SEMA6D: variants seen among roughly 807,000 people sequenced by gnomAD.
The protein encoded by SEMA6D is semaphorin-6D.
In SEMA6D, 35 loss-of-function variants were observed where a neutral mutation model predicts 106.6. The observed-to-expected ratio is 0.33, with a 90% CI of 0.25 to 0.44. The LOEUF (loss-of-function observed/expected upper bound fraction) is 0.44, where lower values mean the gene tolerates loss of function less well. Ranked by LOEUF, SEMA6D falls within the 20% of genes least tolerant of loss-of-function variation. The probability of loss-of-function intolerance (pLI) is 1.00; values close to 1 mark genes in which losing one functional copy is unlikely to be tolerated. For synonymous variants in SEMA6D, 499 were observed against 487.7 expected, an observed-to-expected ratio of 1.02 and a Z score of -0.31; for missense variants, 1,185 against 1,345.9, an observed-to-expected ratio of 0.88 and a Z score of 1.87.
At position 47,761,163 on chromosome 15, in the gene SEMA6D, G is replaced by A. The variant is rs764692263; in HGVS notation, c.288G>A (p.Leu96=). The part of the protein sequence containing the change: ...PKTEVIPNKK[L]TWRSRQQDRE... The stretch of plus-strand genomic sequence containing the variant: ...GTTTTGCTTGATTAATACAGAAACT[G>A]ACATGGCGATCAAGACAACAGGATC... The change falls in exon 5 of 19, where the codon CTG becomes CTA. Residue 96 remains leucine, a synonymous_variant. Coordinates refer to ENST00000536845, the MANE Select transcript of SEMA6D (RefSeq NM_001358351.3). 6.2e-7 allele frequency: 1 copy of A among 1,613,756 alleles called. No individual in the cohort carries two copies. The highest frequency in any genetic ancestry group is 1.1e-5 in the South Asian group (1 of 91,064).
intron 1 of SEMA6D, among the ~76,000 whole-genome samples, chr15:47,279,684 A>T (rs1269072263): frequency 2.0e-5 from 3 of 152,108 alleles, no homozygotes; most frequent in Non-Finnish European, 4.4e-5. Context: ...AGCTCTTATT[A>T]TTTTGAGAGA....
At chr15:47,535,076 A>G (rs2045111396) in intron 3 of SEMA6D, among the ~76,000 whole-genome samples, 1 of 151,690 alleles carries the variant, frequency 6.6e-6, no homozygotes, top group Non-Finnish European at 1.5e-5. Flanking sequence ...TGACAAAAAA[A>G]AAAAAAACAC....
At chr15:47,717,832 C>CTGTGTGTGTGTGTG (rs71118194) in intron 1 of SEMA6D, 140 bp downstream of exon 1, 1 of 99,226 alleles carries the variant, frequency 1.0e-5, no homozygotes, top group African/African-American at 4.9e-5. Flanking sequence ...TCCCGAATCG[C>CTGTGTGTGTGTGTG]TGTGTGTGTG....
intron 2 of SEMA6D, among the ~76,000 whole-genome samples, chr15:47,425,087 G>A (rs2041287315): frequency 6.6e-6 from 1 of 152,064 alleles, no homozygotes; most frequent in Admixed American, 6.6e-5. Context: ...TGCAGATAAA[G>A]TTTTCCAGGC....
intron 2 of SEMA6D, among the ~76,000 whole-genome samples, chr15:47,429,768 T>A (rs571105378): frequency 2.6e-4 from 39 of 152,286 alleles, no homozygotes; most frequent in Non-Finnish European, 3.8e-4. Flanking sequence ...ATATATTTTT[T>A]AAAAAATGTC....
chr15:47,350,363 A>G (rs745743003), intron 1 of SEMA6D, among the ~76,000 whole-genome samples: 8 of 152,216 alleles, frequency 5.3e-5, no homozygotes, highest in Non-Finnish European at 1.0e-4. Flanking sequence ...TCAAACAGTA[A>G]CTTGAACATG....
chr15:47,745,539 A>G (rs563101212), intron 1 of SEMA6D, among the ~76,000 whole-genome samples: 7 of 152,360 alleles, frequency 4.6e-5, no homozygotes, highest in South Asian at 2.1e-4. Context: ...TCTTGCATCA[A>G]TTTAGTGAAA....
Position 47,613,049 on chromosome 15 carries a change from T to C in SEMA6D, c.-55+12153T>C, listed in dbSNP as rs2143928163. ...ACCATTAGACTTTATTTTTCCATTA[T>C]TTTTGAGATAAAGAATACATCTGAT... On this transcript the variant is annotated intron_variant, in intron 4 of 19. Transcript: ENST00000558014. Among the ~76,000 whole-genome samples the C allele has an allele frequency of 1.3e-5, 2 of 152,364 alleles. 1 individual carries two copies. Among genetic ancestry groups the C allele is most frequent in the Middle Eastern group, 6.8e-3 (2 of 294 alleles).
intron 4 of SEMA6D, among the ~76,000 whole-genome samples, chr15:47,616,927 C>T (rs1210959970): frequency 6.6e-6 from 1 of 152,212 alleles, no homozygotes; most frequent in Admixed American, 6.5e-5. Context: ...GCAGCTTCAA[C>T]TGAACTGCTA....
rs145038450 is a variant in SEMA6D at position 47,567,804 on chromosome 15, T to C, written c.-86-33061T>C. On this transcript the variant is annotated intron_variant, in intron 3 of 19. Transcript: ENST00000558014. The stretch of plus-strand genomic sequence containing the variant: ...GTAGGCCTGGGATATGGTAGGCCCT[T>C]AACAAGAGATTATTGAACAGATAAA... 9.9e-3 allele frequency among the ~76,000 whole-genome samples: 1,513 copies of C among 152,294 alleles called. 10 individuals carry two copies. The highest frequency in any genetic ancestry group is 0.021 in the Admixed American group (317 of 15,292).
upstream of SEMA6D, among the ~76,000 whole-genome samples, chr15:47,716,423 T>C (rs893470337): frequency 1.5e-4 from 23 of 152,160 alleles, no homozygotes; most frequent in African/African-American, 4.1e-4. Flanking sequence ...GCAGGAACCA[T>C]TGAGGAAAGG....
chr15:47,463,196 G>A (rs2042563695), intron 2 of SEMA6D, among the ~76,000 whole-genome samples: 1 of 152,116 alleles, frequency 6.6e-6, no homozygotes. Flanking sequence ...TGCAAGCTGG[G>A]TTCCACAGTG....
intron 1 of SEMA6D, among the ~76,000 whole-genome samples, chr15:47,262,784 C>T (rs2034137734): frequency 6.6e-6 from 1 of 152,116 alleles, no homozygotes. Flanking sequence ...ACCACCCTAC[C>T]TGACTTCAAA....
At position 47,364,004 on chromosome 15, in the gene SEMA6D, A is replaced by T. The variant is rs535300255; in HGVS notation, c.-238-48389A>T. 1.1e-4 allele frequency among the ~76,000 whole-genome samples: 16 copies of T among 152,092 alleles called. No individual in the cohort carries two copies. The South Asian group carries it at 3.3e-3, about 32-fold the overall frequency. On this transcript the variant is annotated intron_variant, in intron 1 of 19. Coordinates refer to the SEMA6D transcript ENST00000558014. ...TCAGGAGAACAGTGTGGGGGAAACC[A>T]CTCCCATAATCCAGTCTCCTCCCTC...
At chr15:47,760,437 TA>T (rs1351467737) in intron 3 of SEMA6D, 22 bp downstream of exon 3, 1 of 1,569,414 alleles carries the variant, frequency 6.4e-7, no homozygotes, top group South Asian at 1.1e-5. Context: ...CTCATTGGTT[TA>T]TTAGATTAAA....
intron 1 of SEMA6D, among the ~76,000 whole-genome samples, chr15:47,248,466 A>C: frequency 6.6e-6 from 1 of 152,194 alleles, no homozygotes; most frequent in Non-Finnish European, 1.5e-5. Context: ...CCCAGAAGGC[A>C]CCACTGTTTA....
At chr15:47,192,269 A>G (rs987976956) in intron 1 of SEMA6D, among the ~76,000 whole-genome samples, 1 of 152,174 alleles carries the variant, frequency 6.6e-6, no homozygotes, top group Non-Finnish European at 1.5e-5. Flanking sequence ...TCACTGCCAC[A>G]TCTATCCATC....
At chr15:47,184,214 T>C (rs1031751940) in exon 1 of SEMA6D, 1 of 152,850 alleles carries the variant, frequency 6.5e-6, no homozygotes, top group South Asian at 2.1e-4. Flanking sequence ...CCACCAGGAC[T>C]AGGAGGCAGC....
At chr15:47,583,011 C>A (rs1019123300) in intron 3 of SEMA6D, among the ~76,000 whole-genome samples, 1 of 152,214 alleles carries the variant, frequency 6.6e-6, no homozygotes, top group Non-Finnish European at 1.5e-5. Context: ...CAAATCAGCA[C>A]ATATTTACTG....
Sources: gnomAD v4.1 joint callset for allele counts (sites outside exome capture counted in the v4.1 genomes callset) on GRCh38, gnomAD v4.1.1 for gene constraint, MANE v1.5 for transcripts, NCBI Gene and HGNC (gene_info 2026-07-23, HGNC 2026-07-21) for gene names.